Variants in PCDHA1 observed in about 807,000 individuals in gnomAD.
PCDHA1 encodes the protein protocadherin alpha 1.
A neutral mutation model predicts 61.3 loss-of-function variants in PCDHA1; 42 were observed. The ratio of observed to expected loss-of-function variants is 0.69; its 90% CI spans 0.54 to 0.89. PCDHA1 has a LOEUF of 0.89. PCDHA1 is among the 40% of genes least tolerant of loss of function. The probability of loss-of-function intolerance (pLI) is 0.00; values close to 1 mark genes in which losing one functional copy is unlikely to be tolerated. For missense variants in PCDHA1, 1,256 were observed against 1,235.3 expected, an observed-to-expected ratio of 1.02 and a Z score of -0.25; for synonymous variants, 610 against 553.8, an observed-to-expected ratio of 1.10 and a Z score of -1.43.
intron 1 of PCDHA1, chr5:140,927,790 G>C: frequency 6.2e-7 from 1 of 1,614,218 alleles, no homozygotes; most frequent in Non-Finnish European, 8.5e-7. Flanking sequence ...TGCTTCACTA[G>C]GTCCGCCTGA....
chr5:140,966,740 C>CGGCT (rs2096047340), intron 1 of PCDHA1: 1 of 1,422,580 alleles, frequency 7.0e-7, no homozygotes, highest in African/African-American at 1.5e-5. Flanking sequence ...CGGCCCTGCC[C>CGGCT]GGCTGCCTCC....
rs564787047 is a variant in PCDHA1 at position 140,803,263 on chromosome 5, C to T, written c.2394+14579C>T. On this transcript the variant is annotated intron_variant, in intron 1 of 3. Transcript: ENST00000504120. ...CAGGCGTCCGCTGGCGCCACGGGCC[C>T]GGAAGCTGCACTGGTGGATGTCAAC... 37 of 1,613,934 alleles carry T rather than the reference C, an allele frequency of 2.3e-5. 1 individual carries two copies. The South Asian group carries it at 4.1e-4, about 18-fold the overall frequency.
chr5:141,006,383 T>C (rs1431976303), intron 3 of PCDHA1, among the ~76,000 whole-genome samples: 1 of 151,992 alleles, frequency 6.6e-6, no homozygotes, highest in African/African-American at 2.4e-5. Context: ...GGCTAAGTTT[T>C]TTCTATTTTT....
intron 1 of PCDHA1, among the ~76,000 whole-genome samples, chr5:140,798,125 G>T (rs142335183): frequency 0.011 from 1,732 of 152,174 alleles, 36 homozygotes; most frequent in African/African-American, 0.04. Flanking sequence ...ACCCTCCTAG[G>T]CCTCCCAAAG....
Position 140,993,460 on chromosome 5 carries a change from T to TCC in PCDHA1, c.2542+10898_2542+10899insCC, listed in dbSNP as rs1554253699. ...TTCATTCCTGTTCTCCTTCTTTCTT[T>TCC]CTCACACACACACACACACACACAC... On this transcript the variant is annotated intron_variant, in intron 3 of 3. Coordinates refer to ENST00000504120, the MANE Select transcript of PCDHA1 (RefSeq NM_018900.4). Among the ~76,000 whole-genome samples, 535 of 104,558 alleles carry TCC rather than the reference T, an allele frequency of 5.1e-3. 5 individuals carry two copies. Among genetic ancestry groups the TCC allele is most frequent in the African/African-American group, 0.02 (517 of 25,554 alleles). The allele number at this position is 104,558 out of a possible 152,430, so 68.6% of individuals were successfully genotyped here. A position where few individuals can be genotyped will look rare whatever the true frequency, so the allele number is the denominator to read the frequency against.
intron 1 of PCDHA1, chr5:140,860,591 G>A (rs1379623651): frequency 6.6e-6 from 1 of 152,168 alleles, no homozygotes; most frequent in Non-Finnish European, 1.5e-5. Context: ...TAGGAAAGGA[G>A]TTGGAAGCTC....
intron 1 of PCDHA1, chr5:140,966,814 C>T: frequency 1.9e-6 from 3 of 1,552,444 alleles, no homozygotes; most frequent in East Asian, 2.4e-5. Context: ...ATCCACGGCT[C>T]CGGCGGCCCA....
At chr5:140,911,168 T>C (rs1315264734) in intron 1 of PCDHA1, among the ~76,000 whole-genome samples, 1 of 152,190 alleles carries the variant, frequency 6.6e-6, no homozygotes, top group Non-Finnish European at 1.5e-5. Context: ...GTGGAAAGGC[T>C]GATGGCAGTG....
At position 140,953,007 on chromosome 5, in the gene PCDHA1, T is replaced by C. The variant is rs186896706; in HGVS notation, c.2395-25942T>C. ...TCTCATGAGAACTCTCTCACTATTA[T>C]GAGAACAACATTAAGGGGGAAATCC... On this transcript the variant is annotated intron_variant, in intron 1 of 3. Transcript: ENST00000504120. 5.5e-4 allele frequency among the ~76,000 whole-genome samples: 84 copies of C among 152,242 alleles called. 1 individual carries two copies. In the East Asian group the frequency reaches 0.015, roughly 27 times the overall value.
At chr5:140,877,942 C>G (rs1274042326) in intron 1 of PCDHA1, 1 of 1,367,756 alleles carries the variant, frequency 7.3e-7, no homozygotes, top group African/African-American at 1.5e-5. Context: ...ATCCTTTAAA[C>G]TATCGAATGT....
At chr5:140,854,210 T>C in intron 1 of PCDHA1, 2 of 643,974 alleles carry the variant, frequency 3.1e-6, no homozygotes, top group Non-Finnish European at 3.8e-6. Context: ...TTTTATTCAA[T>C]ATTGGACATC....
intron 1 of PCDHA1, among the ~76,000 whole-genome samples, chr5:140,806,431 C>A (rs1264694270): frequency 6.6e-6 from 1 of 152,182 alleles, no homozygotes; most frequent in Non-Finnish European, 1.5e-5. Flanking sequence ...ATTTGGAATG[C>A]TTTTCCATGC....
intron 1 of PCDHA1, chr5:140,926,980 A>C: frequency 3.1e-6 from 5 of 1,610,364 alleles, no homozygotes; most frequent in Non-Finnish European, 4.2e-6. Flanking sequence ...GCCGGAGGAG[A>C]CGGAGCGGGG....
chr5:140,796,163 C>T (rs1762042654), intron 1 of PCDHA1: 2 of 1,614,240 alleles, frequency 1.2e-6, no homozygotes, highest in South Asian at 2.2e-5. Context: ...CTGGTGTCCA[C>T]CTTCAAGAAT....
chr5:140,805,477 G>C, intron 1 of PCDHA1: 1 of 999,064 alleles, frequency 1.0e-6, no homozygotes, highest in Non-Finnish European at 1.2e-6. Context: ...CTTCAATAGA[G>C]AGGGAGCGTA....
At chr5:140,861,662 G>A (rs1396410741) in intron 1 of PCDHA1, 1 of 264,436 alleles carries the variant, frequency 3.8e-6, no homozygotes, top group East Asian at 9.8e-5. Flanking sequence ...TGAAACGAGA[G>A]CTCTTGATTA....
intron 1 of PCDHA1, chr5:140,803,798 T>G: frequency 1.3e-6 from 1 of 793,240 alleles, no homozygotes; most frequent in Non-Finnish European, 1.9e-6. Context: ...ATATCCACAC[T>G]TGTAATTTTG....
intron 1 of PCDHA1, chr5:140,852,356 C>A: frequency 4.8e-6 from 1 of 206,680 alleles, no homozygotes; most frequent in Non-Finnish European, 9.4e-6. Flanking sequence ...TGGCTCACTG[C>A]AACGTCTGCC....
intron 1 of PCDHA1, chr5:140,869,297 G>A (rs781788461): frequency 1.2e-6 from 2 of 1,613,576 alleles, no homozygotes; most frequent in East Asian, 2.2e-5. Flanking sequence ...CGCCTGTTCC[G>A]GGTGGCGTCC....
Sources: gnomAD v4.1 joint callset for allele counts (sites outside exome capture counted in the v4.1 genomes callset) on GRCh38, gnomAD v4.1.1 for gene constraint, MANE v1.5 for transcripts, NCBI Gene and HGNC (gene_info 2026-07-23, HGNC 2026-07-21) for gene names.